Variants in ZNF682 observed in about 807,000 individuals in gnomAD.
ZNF682 encodes zinc finger protein 682.
Under a neutral mutation model 36.5 loss-of-function variants are expected in ZNF682, and 29 were observed. The ratio of observed to expected loss-of-function variants is 0.80; its 90% CI spans 0.59 to 1.08. The LOEUF (loss-of-function observed/expected upper bound fraction) is 1.08. Among genes scored for constraint, ZNF682 ranks in the 50% least tolerant of loss-of-function variants. The pLI, the probability that ZNF682 is intolerant of heterozygous loss-of-function variation, is 0.00. For missense variants in ZNF682, 561 were observed against 579.7 expected, an observed-to-expected ratio of 0.97 and a Z score of 0.33; for synonymous variants, 180 against 197.0, an observed-to-expected ratio of 0.91 and a Z score of 0.72.
Position 20,037,063 on chromosome 19 carries a change from C to T in ZNF682, c.3+2280G>A, listed in dbSNP as rs1347628287. 2.0e-5 allele frequency among the ~76,000 whole-genome samples: 3 copies of T among 152,126 alleles called. No homozygotes were observed. The East Asian group carries it at 5.8e-4, about 29-fold the overall frequency. On this transcript the variant is annotated intron_variant, in intron 1 of 3. Transcript: ENST00000397165. Reference sequence around the variant, plus strand: ...AAGGCAAAAGAACAAAATGTCTTCCCTCATTTTCAAGTGGGGGAATGAAGC... The same window carrying T: ...AAGGCAAAAGAACAAAATGTCTTCCTTCATTTTCAAGTGGGGGAATGAAGC...
Position 20,006,847 on chromosome 19 carries a change from G to GT in ZNF682, c.654dup (p.His219ThrfsTer2), listed in dbSNP as rs1328220349. On this transcript the variant is annotated frameshift_variant, in exon 4 of 4. Transcript: ENST00000397165. LOFTEE classifies it high-confidence loss of function. ...TTCTCTCCAGTGTGAATTCTCTTAT[G>GT]TTTAGTAAGGTATGAGAACCACTTA... is the stretch of plus-strand genomic sequence containing the variant. The GT allele has an allele frequency of 1.4e-5, 22 of 1,614,050 alleles. No homozygotes were observed. The highest frequency in any genetic ancestry group is 1.9e-5 in the Non-Finnish European group (22 of 1,179,966).
rs1410561453 is a variant in ZNF682 at position 20,006,021 on chromosome 19, G to C, written c.1481C>G (p.Ser494Ter). ...KKCGEAFNHC[S>*]NLTT ...TAAAAATTCTTACGTAGTAAGGTTT[G>C]AGCAGTGATTAAAAGCTTCCCCACA... The change falls in exon 4 of 4, where the codon TCA becomes TGA. Residue 494 changes from serine to a stop codon, truncating the protein, a stop_gained. Coordinates refer to ENST00000397165, the MANE Select transcript of ZNF682 (RefSeq NM_033196.3). LOFTEE classifies it high-confidence loss of function. The C allele has an allele frequency of 2.5e-6, 4 of 1,600,556 alleles. No homozygotes were observed. In the East Asian group the frequency reaches 9.0e-5, roughly 36 times the overall value.
At chr19:20,024,565 C>T (rs761025124) in intron 1 of ZNF682, 189 bp from the exon 2 acceptor site, 5 of 676,232 alleles carry the variant, frequency 7.4e-6, no homozygotes, top group Admixed American at 3.5e-5. Flanking sequence ...TGGCCAGGTT[C>T]GGTGGCTCAC....
chr19:20,017,936 C>G (rs976576110), intron 3 of ZNF682, among the ~76,000 whole-genome samples: 18 of 152,124 alleles, frequency 1.2e-4, no homozygotes, highest in African/African-American at 3.9e-4. Context: ...CAAACATATT[C>G]TTGCTCAAGG....
At chr19:20,037,077 G>T (rs1432794157) in intron 1 of ZNF682, among the ~76,000 whole-genome samples, 1 of 152,156 alleles carries the variant, frequency 6.6e-6, no homozygotes, top group Non-Finnish European at 1.5e-5. Flanking sequence ...TTTTCAAGTG[G>T]GGGAATGAAG....
intron 3 of ZNF682, among the ~76,000 whole-genome samples, chr19:20,011,094 A>G (rs750691685): frequency 1.8e-4 from 28 of 152,314 alleles, no homozygotes; most frequent in Admixed American, 5.2e-4. Context: ...CCATAAACTC[A>G]AAGTAAAGGG....
intron 3 of ZNF682, chr19:19,997,354 T>G: frequency 2.5e-6 from 1 of 398,120 alleles, no homozygotes; most frequent in Non-Finnish European, 4.4e-6. Flanking sequence ...TAAGAGTACT[T>G]GAAGTGGGTG....
At chr19:20,009,767 T>A (rs552995043) in intron 3 of ZNF682, among the ~76,000 whole-genome samples, 27 of 152,324 alleles carry the variant, frequency 1.8e-4, no homozygotes, top group South Asian at 1.2e-3. Flanking sequence ...ACGTCTGTAA[T>A]CCGAGCTTTT....
downstream of ZNF682, among the ~76,000 whole-genome samples, chr19:20,001,445 C>A (rs554689430): frequency 2.2e-4 from 34 of 152,296 alleles, no homozygotes; most frequent in South Asian, 6.8e-3. Context: ...GGTGTGCATG[C>A]ACATGTCTTT....
chr19:20,021,459 G>A (rs1281643883), intron 3 of ZNF682, among the ~76,000 whole-genome samples: 7 of 148,130 alleles, frequency 4.7e-5, no homozygotes. Flanking sequence ...ACTCCAGCCT[G>A]TGTGACAGAG....
chr19:20,012,346 G>GA (rs1241016445), intron 3 of ZNF682, among the ~76,000 whole-genome samples: 1 of 151,240 alleles, frequency 6.6e-6, no homozygotes, highest in African/African-American at 2.4e-5. Flanking sequence ...AGTTAACAAA[G>GA]AAAAAAAAGG....
At chr19:20,032,703 C>T (rs903992152) in intron 1 of ZNF682, among the ~76,000 whole-genome samples, 2 of 152,202 alleles carry the variant, frequency 1.3e-5, no homozygotes, top group African/African-American at 2.4e-5. Flanking sequence ...TATGATTACA[C>T]AATTAAGCCA....
At chr19:20,014,993 G>A (rs775935737) in intron 3 of ZNF682, among the ~76,000 whole-genome samples, 1 of 152,120 alleles carries the variant, frequency 6.6e-6, no homozygotes, top group Non-Finnish European at 1.5e-5. Flanking sequence ...TGTATGTTGA[G>A]TTTGAGTTTC....
chr19:20,028,276 C>T (rs951747296), intron 1 of ZNF682, among the ~76,000 whole-genome samples: 3 of 152,032 alleles, frequency 2.0e-5, no homozygotes, highest in Non-Finnish European at 2.9e-5. Context: ...GGCGTGATCT[C>T]GGCTCACTGC....
chr19:20,021,734 T>C (rs1158102709), intron 3 of ZNF682, among the ~76,000 whole-genome samples: 19 of 152,002 alleles, frequency 1.2e-4, no homozygotes, highest in Admixed American at 1.2e-3. Flanking sequence ...TCTGGGAAAA[T>C]AAAGTTTAAA....
At chr19:20,026,745 C>T (rs919314048) in intron 1 of ZNF682, among the ~76,000 whole-genome samples, 3 of 152,208 alleles carry the variant, frequency 2.0e-5, no homozygotes, top group Admixed American at 6.5e-5. Flanking sequence ...GGATTACAGG[C>T]ATGAGCCACT....
chr19:20,023,674 A>G (rs1397933596), intron 2 of ZNF682, among the ~76,000 whole-genome samples: 2 of 144,870 alleles, frequency 1.4e-5, no homozygotes, highest in Admixed American at 7.3e-5. Context: ...AATTTTTATA[A>G]TGGAATTCCA....
In ZNF682 at chr19:20,039,480, A is replaced by G; in HGVS notation, c.-135T>C. ...TACTAAGCAATGAAGATGGACCCTG[A>G]GCTCTGGCTGGAGCGAGACAAAGGC... On this transcript the variant is annotated 5_prime_UTR_variant, in exon 1 of 4. Transcript: ENST00000397165. 3 of 1,240,524 alleles carry G rather than the reference A, an allele frequency of 2.4e-6. No individual in the cohort carries two copies. The highest frequency in any genetic ancestry group is 3.3e-6 in the Non-Finnish European group (3 of 897,362). 76.8% of individuals were successfully genotyped at this position (1,240,524 alleles called of 1,614,324 possible).
At chr19:20,013,612 C>G (rs549895915) in intron 3 of ZNF682, among the ~76,000 whole-genome samples, 7 of 152,276 alleles carry the variant, frequency 4.6e-5, no homozygotes, top group African/African-American at 1.7e-4. Context: ...CTGAGTTTCG[C>G]TCTTGTTGCC....
Sources: allele counts gnomAD v4.1 joint callset (sites outside exome capture counted in the v4.1 genomes callset), GRCh38; gene constraint gnomAD v4.1.1; transcripts MANE v1.5; gene names NCBI Gene and HGNC (gene_info 2026-07-23, HGNC 2026-07-21).